The following MGAT4C variants were observed in gnomAD, a reference collection of about 807,000 sequenced individuals.
MGAT4C encodes MGAT4 family member C.
A neutral mutation model predicts 40.1 loss-of-function variants in MGAT4C; 19 were observed. The ratio of observed to expected loss-of-function variants is 0.47; its 90% confidence interval spans 0.33 to 0.70. MGAT4C has a LOEUF of 0.70. MGAT4C is among the 30% of genes least tolerant of loss of function. MGAT4C has a pLI of 0.02. For missense variants in MGAT4C, 491 were observed against 563.2 expected, an observed-to-expected ratio of 0.87 and a Z score of 1.30; for synonymous variants, 181 against 187.1, an observed-to-expected ratio of 0.97 and a Z score of 0.27.
intron 2 of MGAT4C, among the ~76,000 whole-genome samples, chr12:86,713,779 C>T (rs1234770820): frequency 4.6e-5 from 7 of 152,026 alleles, no homozygotes; most frequent in African/African-American, 1.7e-4. Flanking sequence ...ATTTTAGTAA[C>T]TTTTCCAAAG....
intron 4 of MGAT4C, among the ~76,000 whole-genome samples, chr12:86,318,410 A>G (rs1443958099): frequency 4.5e-4 from 68 of 152,212 alleles, no homozygotes; most frequent in Admixed American, 4.4e-3. Context: ...ATGTCTGGCA[A>G]TGTCCAAAAT....
Position 85,959,377 on chromosome 12 carries a change from G to C in MGAT4C, c.*19912C>G. ...AAGTTTGGTAAATCTTTGCTTTACA[G>C]GGCTTCAAGTTATAGATTTTTCTTT... On this transcript the variant is annotated 3_prime_UTR_variant, in exon 5 of 5. Coordinates refer to ENST00000611864, the MANE Select transcript of MGAT4C (RefSeq NM_001351288.2). The C allele has an allele frequency of 6.6e-6, 1 of 152,044 alleles. No homozygotes were observed. Among genetic ancestry groups the C allele is most frequent in the Middle Eastern group, 3.4e-3 (1 of 296 alleles). The allele number at this position is 152,044 out of a possible 1,614,324, so 9.4% of individuals were successfully genotyped here. A position where few individuals can be genotyped will look rare whatever the true frequency, so the allele number is the denominator to read the frequency against.
At chr12:86,376,439 T>C (rs1436954897) in intron 3 of MGAT4C, among the ~76,000 whole-genome samples, 1 of 151,992 alleles carries the variant, frequency 6.6e-6, no homozygotes, top group East Asian at 1.9e-4. Flanking sequence ...TATATACATA[T>C]ATATATGAAA....
chr12:86,166,370 T>C (rs944398185), intron 1 of MGAT4C, among the ~76,000 whole-genome samples: 1 of 152,156 alleles, frequency 6.6e-6, no homozygotes, highest in African/African-American at 2.4e-5. Context: ...TGTACTAGAA[T>C]AAAATTTGAC....
At chr12:86,492,442 A>G (rs191000256) in intron 2 of MGAT4C, among the ~76,000 whole-genome samples, 1 of 152,312 alleles carries the variant, frequency 6.6e-6, no homozygotes, top group East Asian at 1.9e-4. Context: ...TGGTACCAAA[A>G]CAGAGATACA....
At chr12:86,021,489 C>CA (rs1193535965) in intron 2 of MGAT4C, among the ~76,000 whole-genome samples, 2 of 148,446 alleles carry the variant, frequency 1.3e-5, no homozygotes, top group South Asian at 2.1e-4. Context: ...ATTGCAAGGA[C>CA]AAAAAACCAA....
At chr12:86,751,854 A>T (rs1332650914) in intron 1 of MGAT4C, among the ~76,000 whole-genome samples, 1 of 152,070 alleles carries the variant, frequency 6.6e-6, no homozygotes, top group East Asian at 1.9e-4. Context: ...TATTATAATA[A>T]GGAAATAGAA....
intron 1 of MGAT4C, among the ~76,000 whole-genome samples, chr12:86,193,059 GT>G (rs1221093582): frequency 1.3e-5 from 2 of 151,408 alleles, no homozygotes; most frequent in Non-Finnish European, 2.9e-5. Context: ...CATAAATCAG[GT>G]TTTTTTCTAT....
chr12:86,609,305 G>T (rs1173319146), intron 2 of MGAT4C, among the ~76,000 whole-genome samples: 114 of 152,130 alleles, frequency 7.5e-4, no homozygotes, highest in Non-Finnish European at 2.5e-4. Context: ...CATGACAGGG[G>T]GAAAGGAGTT....
In MGAT4C at chr12:85,967,745, C is replaced by T. The variant is rs994956858; in HGVS notation, c.*11544G>A. On this transcript the variant is annotated 3_prime_UTR_variant, in exon 5 of 5. Coordinates refer to ENST00000611864, the MANE Select transcript of MGAT4C (RefSeq NM_001351288.2). ...TTAAATGGACATGTTTCTCTTTAGCCAGAAATGACTGAGAAATTTTGAGTT... is the reference window on the plus strand; with the variant it reads ...TTAAATGGACATGTTTCTCTTTAGCTAGAAATGACTGAGAAATTTTGAGTT... The T allele has an allele frequency of 1.3e-5, 2 of 151,894 alleles. No individual in the cohort carries two copies. The highest frequency in any genetic ancestry group is 2.9e-5 in the Non-Finnish European group (2 of 67,940). The allele number at this position is 151,894 out of a possible 1,614,324, so 9.4% of individuals were successfully genotyped here.
At chr12:86,703,722 T>A (rs61949577) in intron 2 of MGAT4C, among the ~76,000 whole-genome samples, 13,797 of 152,262 alleles carry the variant, frequency 0.091, 822 homozygotes, top group Middle Eastern at 0.24. Context: ...TTATTGTTGT[T>A]GTCTGGAGCC....
chr12:86,487,050 A>C (rs1958032191), intron 2 of MGAT4C, among the ~76,000 whole-genome samples: 1 of 152,204 alleles, frequency 6.6e-6, no homozygotes, highest in African/African-American at 2.4e-5. Flanking sequence ...CAATCGTTTT[A>C]ATTTATAACA....
At chr12:86,406,592 C>CA (rs1216373608) in intron 3 of MGAT4C, among the ~76,000 whole-genome samples, 1 of 151,364 alleles carries the variant, frequency 6.6e-6, no homozygotes. Flanking sequence ...AAGAAACAAA[C>CA]AAAAAAACAG....
chr12:86,450,571 T>C (rs1005810375), intron 2 of MGAT4C, among the ~76,000 whole-genome samples: 2 of 152,150 alleles, frequency 1.3e-5, no homozygotes, highest in African/African-American at 2.4e-5. Flanking sequence ...TGTTAACATA[T>C]ATTTAACTAT....
intron 1 of MGAT4C, among the ~76,000 whole-genome samples, chr12:86,828,533 C>T (rs1197953320): frequency 6.6e-6 from 1 of 151,432 alleles, no homozygotes; most frequent in Non-Finnish European, 1.5e-5. Flanking sequence ...TTGAAACACA[C>T]ATTCATAATG....
intron 2 of MGAT4C, among the ~76,000 whole-genome samples, chr12:86,496,053 A>G (rs897344085): frequency 6.0e-5 from 9 of 151,176 alleles, no homozygotes; most frequent in Non-Finnish European, 2.9e-5. Context: ...CCTTCACTAC[A>G]GCACCCAAAC....
chr12:86,702,884 G>A (rs1476962810), intron 2 of MGAT4C, among the ~76,000 whole-genome samples: 1 of 152,194 alleles, frequency 6.6e-6, no homozygotes, highest in Non-Finnish European at 1.5e-5. Context: ...TCCACTGATA[G>A]ATCAAGGCAA....
chr12:86,177,312 C>G (rs1405914755), intron 1 of MGAT4C, among the ~76,000 whole-genome samples: 1 of 152,076 alleles, frequency 6.6e-6, no homozygotes, highest in Non-Finnish European at 1.5e-5. Flanking sequence ...TATTCTCATA[C>G]TAATCTATGA....
At chr12:86,749,126 G>T (rs1176452841) in intron 1 of MGAT4C, among the ~76,000 whole-genome samples, 1 of 151,414 alleles carries the variant, frequency 6.6e-6, no homozygotes, top group East Asian at 1.9e-4. Flanking sequence ...AAACAAACAT[G>T]TTTAAAGTAA....
Sources: allele counts gnomAD v4.1 joint callset (sites outside exome capture counted in the v4.1 genomes callset), GRCh38; gene constraint gnomAD v4.1.1; transcripts MANE v1.5; gene names NCBI Gene and HGNC (gene_info 2026-07-23, HGNC 2026-07-21).